The following RAPGEF2 variants were observed in gnomAD, a reference collection of about 807,000 sequenced individuals.
RAPGEF2 encodes Rap guanine nucleotide exchange factor 2.
RAPGEF2 carries 54 observed loss-of-function variants against 186.7 expected under a neutral mutation model. The ratio of observed to expected loss-of-function variants is 0.29; its 90% CI spans 0.23 to 0.36. The LOEUF (loss-of-function observed/expected upper bound fraction) is 0.36, where lower values mean the gene tolerates loss of function less well. Among genes scored for constraint, RAPGEF2 ranks in the 10% least tolerant of loss-of-function variants. The probability of loss-of-function intolerance (pLI) is 1.00; values close to 1 mark genes in which losing one functional copy is unlikely to be tolerated. For missense variants in RAPGEF2, 1,532 were observed against 2,045.0 expected (o/e 0.75, Z 4.84); for synonymous variants, 712 against 705.9 (o/e 1.01, Z -0.14).
chr4:159,355,720 C>A, intron 28 of RAPGEF2, 133 bp from the exon 29 acceptor site: 1 of 849,038 alleles, frequency 1.2e-6, no homozygotes, highest in Non-Finnish European at 1.8e-6. Flanking sequence ...CACACCGCAC[C>A]TCTAACCGAT....
intron 7 of RAPGEF2, among the ~76,000 whole-genome samples, chr4:159,246,974 A>G (rs1754711022): frequency 6.6e-6 from 1 of 152,166 alleles, no homozygotes; most frequent in Non-Finnish European, 1.5e-5. Flanking sequence ...TTATGTATAT[A>G]TATGAGAAAT....
At chr4:159,226,659 T>G (rs1420367330) in intron 4 of RAPGEF2, among the ~76,000 whole-genome samples, 1 of 152,212 alleles carries the variant, frequency 6.6e-6, no homozygotes, top group African/African-American at 2.4e-5. Context: ...TTAAGTTCCC[T>G]TTGGTAGTTT....
chr4:159,154,811 T>C (rs1212564869), intron 1 of RAPGEF2, among the ~76,000 whole-genome samples: 2 of 152,194 alleles, frequency 1.3e-5, no homozygotes, highest in African/African-American at 2.4e-5. Context: ...CCCGTGTTAC[T>C]ATACTGCTTC....
intron 1 of RAPGEF2, among the ~76,000 whole-genome samples, chr4:159,130,656 T>C (rs1740936969): frequency 6.6e-6 from 1 of 152,360 alleles, no homozygotes; most frequent in South Asian, 2.1e-4. Context: ...TCTTTTAATT[T>C]AGACCCAGGC....
chr4:159,322,851 T>C (rs1333274778), intron 10 of RAPGEF2, among the ~76,000 whole-genome samples: 2 of 152,114 alleles, frequency 1.3e-5, no homozygotes, highest in Admixed American at 6.5e-5. Context: ...GTGAGACTTA[T>C]TCACTACCAA....
In RAPGEF2 at chr4:159,356,049, G is replaced by C; in HGVS notation, c.4848G>C (p.Gly1616=). 3 of 1,614,076 alleles carry C rather than the reference G, an allele frequency of 1.9e-6. No individual in the cohort carries two copies. Among genetic ancestry groups the C allele is most frequent in the Non-Finnish European group, 2.5e-6 (3 of 1,180,008 alleles). ...CTTCATCCGTACAGCAGCCACATGG[G>C]CATCCCACCAGCAGCAGGCCTGTGA... ...AGPSSVQQPH[G]HPTSSRPVNK... The change falls in exon 29 of 30, where the codon GGG becomes GGC. Residue 1616 remains glycine (G), a synonymous_variant. Transcript: ENST00000691494.
In RAPGEF2 at chr4:159,248,721, G is replaced by A. The variant is rs558241980; in HGVS notation, c.543+4930G>A. ...ATACGGATTGGGAAATTGCACTATA[G>A]CATATGTACAGAAATTGAAATGTAA... On this transcript the variant is annotated intron_variant, in intron 7 of 29. Coordinates refer to ENST00000691494, the MANE Select transcript of RAPGEF2 (RefSeq NM_001394067.2). Among the ~76,000 whole-genome samples the A allele has an allele frequency of 2.0e-5, 3 of 152,266 alleles. 1 individual carries two copies. The highest frequency in any genetic ancestry group is 4.1e-4 in the South Asian group (2 of 4,826).
chr4:159,213,798 C>T (rs1561093526), intron 4 of RAPGEF2, among the ~76,000 whole-genome samples: 1 of 150,140 alleles, frequency 6.7e-6, no homozygotes, highest in Non-Finnish European at 1.5e-5. Context: ...TCCTATGTGA[C>T]TGTCAGTGAC....
chr4:159,265,974 TGAG>T (rs1757379999), intron 7 of RAPGEF2, among the ~76,000 whole-genome samples: 1 of 152,130 alleles, frequency 6.6e-6, no homozygotes, highest in Admixed American at 6.5e-5. Context: ...TTCCATGGGA[TGAG>T]GAATGGTGAA....
At chr4:159,161,778 AT>A (rs1238503816) in intron 1 of RAPGEF2, among the ~76,000 whole-genome samples, 2 of 152,212 alleles carry the variant, frequency 1.3e-5, no homozygotes, top group Non-Finnish European at 2.9e-5. Flanking sequence ...GCCAAACATA[AT>A]TGCTTATCTT....
At position 159,210,588 on chromosome 4, in the gene RAPGEF2, T is replaced by C; in HGVS notation, c.281+5T>C. The C allele has an allele frequency of 6.6e-7, 1 of 1,505,312 alleles. No homozygotes were observed. The highest frequency in any genetic ancestry group is 1.4e-5 in the African/African-American group (1 of 72,460). The allele number at this position is 1,505,312 out of a possible 1,614,324, so 93.2% of individuals were successfully genotyped here. Reference sequence around the variant, plus strand: ...CATGTTTCTTCCAAGAAGCAGGTATTGTATAGACATTCTGTAATAGATTAT... The same window carrying C: ...CATGTTTCTTCCAAGAAGCAGGTATCGTATAGACATTCTGTAATAGATTAT... On this transcript the variant is annotated splice_donor_5th_base_variant and intron_variant, in intron 4 of 29. Transcript: ENST00000691494.
chr4:159,222,478 A>T (rs1751636080), intron 4 of RAPGEF2, among the ~76,000 whole-genome samples: 1 of 152,208 alleles, frequency 6.6e-6, no homozygotes, highest in Non-Finnish European at 1.5e-5. Flanking sequence ...AGTGATGTTT[A>T]TATTTCTCTT....
At chr4:159,138,759 A>G (rs1259014625) in intron 1 of RAPGEF2, among the ~76,000 whole-genome samples, 1 of 152,198 alleles carries the variant, frequency 6.6e-6, no homozygotes, top group African/African-American at 2.4e-5. Flanking sequence ...CTTAAAGCAT[A>G]TTTTTGTCTA....
At chr4:159,108,343 G>T (rs1188569164) in intron 1 of RAPGEF2, among the ~76,000 whole-genome samples, 1 of 148,540 alleles carries the variant, frequency 6.7e-6, no homozygotes, top group Admixed American at 6.7e-5. Flanking sequence ...GTTTAATGCA[G>T]TCGCAGTCAT....
intron 1 of RAPGEF2, among the ~76,000 whole-genome samples, chr4:159,131,529 T>G (rs1216910236): frequency 6.7e-6 from 1 of 148,900 alleles, no homozygotes; most frequent in Non-Finnish European, 1.5e-5. Flanking sequence ...ATTTTTTTTT[T>G]TTTTTTTTTT....
chr4:159,168,614 T>C (rs901764766), intron 1 of RAPGEF2, among the ~76,000 whole-genome samples: 4 of 152,166 alleles, frequency 2.6e-5, no homozygotes, highest in African/African-American at 4.8e-5. Flanking sequence ...TATTAAATTA[T>C]TATTGAACTG....
chr4:159,211,609 A>G (rs1750539602), intron 4 of RAPGEF2, among the ~76,000 whole-genome samples: 1 of 152,206 alleles, frequency 6.6e-6, no homozygotes, highest in South Asian at 2.1e-4. Context: ...GTCTGAAACA[A>G]GGAGAGGTAA....
At chr4:159,186,621 C>A in intron 1 of RAPGEF2, 21 bp from the exon 2 acceptor site, 1 of 1,310,500 alleles carries the variant, frequency 7.6e-7, no homozygotes, top group Non-Finnish European at 1.0e-6. Flanking sequence ...CTAATAATTT[C>A]TATTCTTTTC....
rs796332896 is a variant in RAPGEF2, at chr4:159,319,771, T to G, written c.854-2576T>G. Among the ~76,000 whole-genome samples the G allele has an allele frequency of 6.6e-5, 10 of 150,966 alleles. No homozygotes were observed. In the East Asian group the frequency reaches 1.4e-3, roughly 20 times the overall value. On this transcript the variant is annotated intron_variant, in intron 9 of 29. Coordinates refer to ENST00000691494, the MANE Select transcript of RAPGEF2 (RefSeq NM_001394067.2). ...ATGCAGGTATCTTCTATCCTGTGGT[T>G]TTTTTTTTAATGCTAGCCGCTACTT... is the stretch of plus-strand genomic sequence containing the variant.
Sources: allele counts gnomAD v4.1 joint callset (sites outside exome capture counted in the v4.1 genomes callset), GRCh38; gene constraint gnomAD v4.1.1; transcripts MANE v1.5; gene names NCBI Gene and HGNC (gene_info 2026-07-23, HGNC 2026-07-21).